Variants in PDE4B observed in about 807,000 individuals in gnomAD.
PDE4B encodes 3',5'-cyclic-AMP phosphodiesterase 4B.
In PDE4B, 20 loss-of-function variants were observed where a neutral mutation model predicts 82.2. The observed-to-expected ratio is 0.24, with a 90% CI of 0.17 to 0.35. The LOEUF (loss-of-function observed/expected upper bound fraction) is 0.35. PDE4B is among the 10% of genes least tolerant of loss of function. The pLI is 1.00. For synonymous variants in PDE4B, 320 were observed against 318.9 expected (o/e 1.00, Z -0.04); for missense variants, 655 against 907.2 (o/e 0.72, Z 3.57).
intron 2 of PDE4B, among the ~76,000 whole-genome samples, chr1:65,913,980 A>C (rs1441951719): frequency 6.6e-6 from 1 of 152,134 alleles, no homozygotes; most frequent in Non-Finnish European, 1.5e-5. Context: ...TCTGTAAACT[A>C]TCTTCTATAG....
Position 66,187,262 on chromosome 1 carries a change from A to G in PDE4B, c.282-60198A>G, listed in dbSNP as rs181925995. On this transcript the variant is annotated intron_variant, in intron 3 of 16. Coordinates refer to ENST00000341517, the MANE Select transcript of PDE4B (RefSeq NM_002600.4). ...GTATTTTACTGAGGATTTTTGCATC[A>G]ATGTTCATCAAGAATATTGGTCTAA... Among the ~76,000 whole-genome samples the G allele has an allele frequency of 1.9e-3, 293 of 151,818 alleles. 1 individual carries two copies. The highest frequency in any genetic ancestry group is 0.014 in the Middle Eastern group (4 of 294).
chr1:66,335,786 A>G (rs1660470218), intron 8 of PDE4B, among the ~76,000 whole-genome samples: 1 of 152,232 alleles, frequency 6.6e-6, no homozygotes, highest in Non-Finnish European at 1.5e-5. Flanking sequence ...ATGGCTAGTG[A>G]ACCTCCTGCC....
chr1:66,042,392 T>C (rs1654435204), intron 3 of PDE4B: 1 of 151,844 alleles, frequency 6.6e-6, no homozygotes, highest in South Asian at 2.1e-4. Flanking sequence ...CAAGGTCCAA[T>C]ATATCTTAAT....
intron 7 of PDE4B, among the ~76,000 whole-genome samples, chr1:66,298,409 G>C (rs577793301): frequency 6.6e-6 from 1 of 152,278 alleles, no homozygotes; most frequent in East Asian, 1.9e-4. Flanking sequence ...CTGGAAAAGA[G>C]AAGGGTTGTC....
At chr1:66,166,150 G>T (rs756800292) in intron 3 of PDE4B, among the ~76,000 whole-genome samples, 26 of 152,070 alleles carry the variant, frequency 1.7e-4, no homozygotes, top group Non-Finnish European at 3.8e-4. Flanking sequence ...TGGGGGAATC[G>T]CCTTTTCAAC....
intron 3 of PDE4B, among the ~76,000 whole-genome samples, chr1:65,935,945 AC>A (rs1648105083): frequency 6.6e-6 from 1 of 152,094 alleles, no homozygotes; most frequent in African/African-American, 2.4e-5. Flanking sequence ...CTCAAAAAAA[AC>A]AAAACAACAA....
At chr1:66,114,018 C>T (rs1180267512) in intron 3 of PDE4B, among the ~76,000 whole-genome samples, 2 of 152,098 alleles carry the variant, frequency 1.3e-5, no homozygotes, top group Non-Finnish European at 2.9e-5. Flanking sequence ...AACCTAATTA[C>T]CAGTGTGATG....
chr1:66,119,533 C>T (rs1032806373), intron 3 of PDE4B, among the ~76,000 whole-genome samples: 3 of 152,100 alleles, frequency 2.0e-5, no homozygotes, highest in African/African-American at 7.2e-5. Flanking sequence ...AACCAAAATA[C>T]AAAAGCAGTC....
intron 1 of PDE4B, among the ~76,000 whole-genome samples, chr1:65,867,937 C>T (rs1427053345): frequency 6.6e-6 from 1 of 152,192 alleles, no homozygotes; most frequent in Non-Finnish European, 1.5e-5. Context: ...ATTACAGAGT[C>T]ACTAGTGCAC....
chr1:65,991,218 C>T (rs114015529), intron 3 of PDE4B, among the ~76,000 whole-genome samples: 1,529 of 152,040 alleles, frequency 0.01, 21 homozygotes, highest in African/African-American at 0.035. Flanking sequence ...GCTGGGATTA[C>T]AGGTGTGTGC....
chr1:65,933,617 G>A (rs140541509), intron 3 of PDE4B, among the ~76,000 whole-genome samples: 15 of 151,974 alleles, frequency 9.9e-5, no homozygotes, highest in Admixed American at 8.5e-4. Context: ...GCATTGAGCC[G>A]AGATCATCGT....
intron 3 of PDE4B, among the ~76,000 whole-genome samples, chr1:65,962,886 A>G (rs12062815): frequency 0.34 from 51,102 of 152,030 alleles, 8,888 homozygotes; most frequent in East Asian, 0.47. Flanking sequence ...ATAATTACAG[A>G]CGAAAACCTC....
chr1:65,967,504 A>G (rs1649899539), intron 3 of PDE4B, among the ~76,000 whole-genome samples: 1 of 152,118 alleles, frequency 6.6e-6, no homozygotes, highest in Admixed American at 6.6e-5. Flanking sequence ...TAGAACTAGA[A>G]ATACCATCTG....
chr1:66,204,976 GGC>G lies in PDE4B; in HGVS notation c.282-42483_282-42482del, dbSNP rs145954796. 5.6e-3 allele frequency among the ~76,000 whole-genome samples: 849 copies of G among 152,206 alleles called. 12 individuals are homozygous for G. Among genetic ancestry groups the G allele is most frequent in the African/African-American group, 0.019 (801 of 41,526 alleles). On this transcript the variant is annotated intron_variant, in intron 3 of 16. Transcript: ENST00000341517. ...CTGTAGACTGGAGCTATTCCTATTCGGCCATCTTGGCTCCACCCTCTCCTGTG... is the reference window on the plus strand; with the variant it reads ...CTGTAGACTGGAGCTATTCCTATTCGCATCTTGGCTCCACCCTCTCCTGTG...
At chr1:65,918,962 C>T (rs919896254) in intron 3 of PDE4B, 127 bp downstream of exon 3, 31 of 649,600 alleles carry the variant, frequency 4.8e-5, no homozygotes, top group South Asian at 2.9e-4. Flanking sequence ...TTTGAGAATT[C>T]GTTTCCCTTT....
intron 8 of PDE4B, among the ~76,000 whole-genome samples, chr1:66,333,307 T>A (rs1002694049): frequency 2.6e-5 from 4 of 152,240 alleles, no homozygotes; most frequent in Non-Finnish European, 4.4e-5. Context: ...TTGAAGAGCC[T>A]TAATTATCTA....
At chr1:65,962,666 G>C (rs971104780) in intron 3 of PDE4B, among the ~76,000 whole-genome samples, 9 of 152,186 alleles carry the variant, frequency 5.9e-5, no homozygotes, top group African/African-American at 2.2e-4. Context: ...CAAGTACAGA[G>C]AGAAGCAAAG....
chr1:66,333,685 A>T (rs1660294341), intron 8 of PDE4B, among the ~76,000 whole-genome samples: 1 of 152,126 alleles, frequency 6.6e-6, no homozygotes, highest in Non-Finnish European at 1.5e-5. Flanking sequence ...TTCCTGGGGT[A>T]AAAGTACCAC....
chr1:66,102,532 T>G (rs1645248047), intron 3 of PDE4B, among the ~76,000 whole-genome samples: 2 of 152,052 alleles, frequency 1.3e-5, no homozygotes, highest in South Asian at 4.1e-4. Flanking sequence ...CCTTTTAATC[T>G]TACATTTTGG....
Sources: gnomAD v4.1 joint callset for allele counts (sites outside exome capture counted in the v4.1 genomes callset) on GRCh38, gnomAD v4.1.1 for gene constraint, MANE v1.5 for transcripts, NCBI Gene and HGNC (gene_info 2026-07-23, HGNC 2026-07-21) for gene names.